Variants in CIZ1 observed in about 807,000 individuals in gnomAD.
CIZ1 encodes CDKN1A interacting zinc finger protein 1.
In CIZ1, 58 loss-of-function variants were observed where a neutral mutation model predicts 118.6. The observed-to-expected ratio is 0.49, with a 90% CI of 0.40 to 0.61. CIZ1 has a LOEUF of 0.61. Ranked by LOEUF, CIZ1 falls within the 20% of genes least tolerant of loss-of-function variation. The pLI, the probability that CIZ1 is intolerant of heterozygous loss-of-function variation, is 0.00. For synonymous variants in CIZ1, 448 were observed against 443.4 expected (o/e 1.01, Z -0.13); for missense variants, 921 against 1,115.9 (o/e 0.83, Z 2.49).
chr9:128,175,271 C>T (rs1218054246), intron 11 of CIZ1, among the ~76,000 whole-genome samples: 1 of 152,056 alleles, frequency 6.6e-6, no homozygotes, highest in Non-Finnish European at 1.5e-5. Flanking sequence ...CTAACCAGTC[C>T]CCTACTTTCG....
chr9:128,190,352 G>A lies in CIZ1; in HGVS notation c.263C>T (p.Ala88Val). 2.5e-6 allele frequency: 4 copies of A among 1,613,742 alleles called. No individual in the cohort carries two copies. The highest frequency in any genetic ancestry group is 3.4e-6 in the Non-Finnish European group (4 of 1,179,712). The change falls in exon 3 of 17, where the codon GCT becomes GTT. Residue 88 changes from alanine to valine, a missense_variant. Physicochemically the swap from Ala to Val is moderately conservative, Grantham distance 64. Transcript: ENST00000372938. ...SLLNGSMLQR[A>V]LLLQQLQGLD... ...ACCTTGCAACTGCTGTAAAAGCAAA[G>A]CTCTCTGCAGCATGGAGCCGTTGAG...
In CIZ1 at chr9:128,203,484, G is replaced by T. The variant is rs1833613277; in HGVS notation, c.-6+702C>A. 1.3e-6 allele frequency: 2 copies of T among 1,519,362 alleles called. No individual in the cohort carries two copies. The highest frequency in any genetic ancestry group is 1.4e-5 in the African/African-American group (1 of 69,730). 94.1% of individuals were successfully genotyped at this position (1,519,362 alleles called of 1,614,324 possible). On this transcript the variant is annotated intron_variant, in intron 1 of 17. Coordinates refer to the CIZ1 transcript ENST00000372948. This position sits in a 1 kb window ranked among gnomAD's most constrained non-coding sequence, Gnocchi z 5.3. ...CCCGCCGCAGCCATGGGCAACCGCGGCATGGAAGATCTCATCCCGCTGGTC... is the reference window on the plus strand; with the variant it reads ...CCCGCCGCAGCCATGGGCAACCGCGTCATGGAAGATCTCATCCCGCTGGTC...
At chr9:128,188,674 C>T (rs1055389176) in intron 3 of CIZ1, among the ~76,000 whole-genome samples, 2 of 151,996 alleles carry the variant, frequency 1.3e-5, no homozygotes, top group African/African-American at 4.8e-5. Context: ...CGCTCTGTCA[C>T]CTAGGCTGGA....
In CIZ1 at chr9:128,179,494, C is replaced by T. The variant is rs534055847; in HGVS notation, c.792-79G>A. 2.1e-5 allele frequency: 29 copies of T among 1,348,882 alleles called. No individual in the cohort carries two copies. In the East Asian group the frequency reaches 3.3e-4, roughly 15 times the overall value. 83.6% of individuals were successfully genotyped at this position (1,348,882 alleles called of 1,614,324 possible). On this transcript the variant is annotated intron_variant, in intron 7 of 16. Coordinates refer to ENST00000372938, the MANE Select transcript of CIZ1 (RefSeq NM_001131016.2). ...CTCCCAAGTAAGGCCAAAACTAGGC[C>T]GAGCGTGGTGGCTCGCATCTGTAAA...
intron 11 of CIZ1, among the ~76,000 whole-genome samples, chr9:128,171,215 T>G (rs1489918498): frequency 1.3e-5 from 2 of 151,090 alleles, no homozygotes; most frequent in African/African-American, 4.9e-5. Context: ...GAGGATCGCT[T>G]GAGCCTAGAA....
upstream of CIZ1, among the ~76,000 whole-genome samples, chr9:128,193,297 A>G (rs1318325936): frequency 6.6e-6 from 1 of 152,160 alleles, no homozygotes; most frequent in East Asian, 1.9e-4. Flanking sequence ...CTCTAAGGGT[A>G]GGGAGCACTG....
chr9:128,185,054 G>A lies in CIZ1; in HGVS notation c.588+493C>T, dbSNP rs911836509. Among the ~76,000 whole-genome samples, 10 of 152,170 alleles carry A rather than the reference G, an allele frequency of 6.6e-5. 1 individual carries two copies. The highest frequency in any genetic ancestry group is 4.1e-4 in the South Asian group (2 of 4,832). On this transcript the variant is annotated intron_variant, in intron 5 of 16. Transcript: ENST00000372938. ...AGCACTTTGGGAGGCTGAGGCGGGCGGATCACCTGAGGTCAGGAGTTTGAG... is the reference window on the plus strand; with the variant it reads ...AGCACTTTGGGAGGCTGAGGCGGGCAGATCACCTGAGGTCAGGAGTTTGAG...
chr9:128,201,262 C>T lies in CIZ1; in HGVS notation c.-6+2924G>A, dbSNP rs574786388. Among the ~76,000 whole-genome samples the T allele has an allele frequency of 8.1e-5, 12 of 148,754 alleles. 1 individual carries two copies. In the South Asian group the frequency reaches 2.6e-3, roughly 32 times the overall value. On this transcript the variant is annotated intron_variant, in intron 1 of 17. Transcript: ENST00000372948. ...TAGCCTGGGTAACAGAGCGAGATTC[C>T]GTCTCAAAAAACAAACAAACAAACA...
intron 14 of CIZ1, among the ~76,000 whole-genome samples, chr9:128,168,404 T>C (rs1829705083): frequency 1.3e-5 from 2 of 151,716 alleles, no homozygotes; most frequent in East Asian, 3.9e-4. Flanking sequence ...TGATCCCAGC[T>C]ACTTGGGAGG....
upstream of CIZ1, among the ~76,000 whole-genome samples, chr9:128,195,546 G>A (rs1833356441): frequency 6.6e-6 from 1 of 152,088 alleles, no homozygotes; most frequent in Non-Finnish European, 1.5e-5. Flanking sequence ...TCAAACTCCT[G>A]ATCTCAAGTG....
Position 128,178,727 on chromosome 9 carries a change from C to A in CIZ1, c.1480G>T (p.Ala494Ser). The change falls in exon 8 of 17, where the codon GCA becomes TCA. Residue 494 changes from alanine (A) to serine (S), a missense_variant. Physicochemically the swap from Ala to Ser is moderately conservative, Grantham distance 99. Transcript: ENST00000372938. ...CACTTACCTCCACCAGCTTCTACTG[C>A]ATCAGGTGGCATCTCCAGCCCGCAG... Reference protein sequence around the residue: ...HVCGLEMPPDAVEAGGGMEKT... With the variant: ...HVCGLEMPPDSVEAGGGMEKT... 1 of 1,613,504 alleles carries A rather than the reference C, an allele frequency of 6.2e-7. No individual in the cohort carries two copies. The highest frequency in any genetic ancestry group is 8.5e-7 in the Non-Finnish European group (1 of 1,179,678).
chr9:128,177,749 C>A lies in CIZ1; in HGVS notation c.1635G>T (p.Gly545=). Residue 545 remains glycine (G), a synonymous_variant, in exon 10 of 17, where the codon GGG becomes GGT. Transcript: ENST00000372938. ...GCAGAATGGTGACCTTCAGGGAGCCCCCGGCGCCCCATACCTGCATGGGGA... is the reference window on the plus strand; with the variant it reads ...GCAGAATGGTGACCTTCAGGGAGCCACCGGCGCCCCATACCTGCATGGGGA... ...AREMPGVWGA[G]GSLKVTILQS... The A allele has an allele frequency of 6.3e-7, 1 of 1,598,734 alleles. No individual in the cohort carries two copies. Among genetic ancestry groups the A allele is most frequent in the Non-Finnish European group, 8.5e-7 (1 of 1,173,070 alleles).
chr9:128,177,889 C>T (rs1831068446), intron 9 of CIZ1, 126 bp from the exon 10 acceptor site: 2 of 701,502 alleles, frequency 2.9e-6, no homozygotes, highest in Non-Finnish European at 4.5e-6. Flanking sequence ...AGGCTCTGAG[C>T]TGTTAGCTGA....
At chr9:128,177,811 T>G (rs778834878) in intron 9 of CIZ1, 48 bp from the exon 10 acceptor site, 2 of 1,338,110 alleles carry the variant, frequency 1.5e-6, no homozygotes, top group Non-Finnish European at 2.0e-6. Context: ...GTACTTATAG[T>G]GGGCCAGCCC....
At position 128,174,002 on chromosome 9, in the gene CIZ1, T is replaced by C. The variant is rs574163763; in HGVS notation, c.1943+2349A>G. Among the ~76,000 whole-genome samples the C allele has an allele frequency of 7.2e-5, 10 of 138,300 alleles. No individual in the cohort carries two copies. The East Asian group carries it at 1.6e-3, about 22-fold the overall frequency. 90.7% of individuals were successfully genotyped at this position (138,300 alleles called of 152,430 possible). On this transcript the variant is annotated intron_variant, in intron 11 of 16. Transcript: ENST00000372938. ...GCCTGGGTGACAGAGCGAGACTCCA[T>C]CTCAAAAACAAAACAAAAAAACAAA... is the stretch of plus-strand genomic sequence containing the variant.
chr9:128,190,970 G>A, intron 1 of CIZ1, 108 bp from the exon 2 acceptor site: 5 of 1,411,686 alleles, frequency 3.5e-6, no homozygotes, highest in African/African-American at 1.4e-5. Flanking sequence ...AGACTGCTGA[G>A]GAGCTTCACA....
intron 14 of CIZ1, chr9:128,167,534 C>T (rs1829585172): frequency 9.1e-6 from 2 of 218,848 alleles, no homozygotes; most frequent in Non-Finnish European, 1.8e-5. Flanking sequence ...GGGACATTAA[C>T]TCACTTGTCT....
At chr9:128,182,599 C>T (rs915824164) in intron 5 of CIZ1, among the ~76,000 whole-genome samples, 1 of 152,156 alleles carries the variant, frequency 6.6e-6, no homozygotes, top group Non-Finnish European at 1.5e-5. Context: ...CTGCACACTA[C>T]CTGCCCCGGC....
rs1445887165 is a variant in CIZ1, at chr9:128,179,006, T to TCAGCGGCTCTGCCTCCTGCTG, written c.1180_1200dup (p.Gln394_Leu400dup). 2 of 1,612,026 alleles carry TCAGCGGCTCTGCCTCCTGCTG rather than the reference T, an allele frequency of 1.2e-6. No individual in the cohort carries two copies. The highest frequency in any genetic ancestry group is 2.2e-5 in the South Asian group (2 of 90,640). ...GGCTGCACCTGTGGCTGCACCTGCTTCAGCGGCTCTGCCTCCTGCTGCAGC... is the reference window on the plus strand; with the variant it reads ...GGCTGCACCTGTGGCTGCACCTGCTTCAGCGGCTCTGCCTCCTGCTGCAGCGGCTCTGCCTCCTGCTGCAGC... On this transcript the variant is annotated inframe_insertion, in exon 8 of 17. Coordinates refer to ENST00000372938, the MANE Select transcript of CIZ1 (RefSeq NM_001131016.2).
Sources: allele counts gnomAD v4.1 joint callset (sites outside exome capture counted in the v4.1 genomes callset), GRCh38; gene constraint gnomAD v4.1.1; non-coding constraint Gnocchi (gnomAD v3.1); transcripts MANE v1.5; gene names NCBI Gene and HGNC (gene_info 2026-07-23, HGNC 2026-07-21).